The following CHRM3 variants were observed in gnomAD, a reference collection of about 807,000 sequenced individuals.
CHRM3 encodes cholinergic receptor muscarinic 3, also known as muscarinic acetylcholine receptor M3.
CHRM3 carries 11 observed loss-of-function variants against 41.8 expected under a neutral mutation model. The observed-to-expected ratio is 0.26, with a 90% CI of 0.17 to 0.44. CHRM3 has a LOEUF of 0.44. CHRM3 is among the 20% of genes least tolerant of loss of function. The probability of loss-of-function intolerance (pLI) is 1.00; values close to 1 mark genes in which losing one functional copy is unlikely to be tolerated. For synonymous variants in CHRM3, 297 were observed against 301.4 expected, an observed-to-expected ratio of 0.99 and a Z score of 0.15; for missense variants, 571 against 745.4, an observed-to-expected ratio of 0.77 and a Z score of 2.72.
chr1:239,496,570 A>G (rs1403479765), intron 2 of CHRM3, among the ~76,000 whole-genome samples: 1 of 150,824 alleles, frequency 6.6e-6, no homozygotes, highest in African/African-American at 2.4e-5. Flanking sequence ...ATACGGTTGT[A>G]TCTCCAATGA....
intron 1 of CHRM3, among the ~76,000 whole-genome samples, chr1:239,451,562 G>A (rs12142243): frequency 0.16 from 24,598 of 152,028 alleles, 2,425 homozygotes; most frequent in Non-Finnish European, 0.2. Context: ...CACCCATGCC[G>A]TACAGATTGG....
intron 5 of CHRM3, among the ~76,000 whole-genome samples, chr1:239,687,665 A>G (rs561826465): frequency 6.6e-4 from 101 of 152,134 alleles, no homozygotes; most frequent in Non-Finnish European, 1.2e-3. Context: ...GTGCTGCATA[A>G]TGATGCTTCA....
intron 6 of CHRM3, among the ~76,000 whole-genome samples, chr1:239,857,816 C>T (rs1190786697): frequency 6.6e-6 from 1 of 152,096 alleles, no homozygotes; most frequent in African/African-American, 2.4e-5. Flanking sequence ...TGTTAGCCAA[C>T]AAAGTGTTTG....
intron 5 of CHRM3, among the ~76,000 whole-genome samples, chr1:239,711,641 G>A (rs1042670268): frequency 3.3e-5 from 5 of 149,920 alleles, no homozygotes; most frequent in Middle Eastern, 3.2e-3. Context: ...CACTCCCTCC[G>A]TCTCTCTCCA....
intron 5 of CHRM3, among the ~76,000 whole-genome samples, chr1:239,749,928 T>G (rs1438344196): frequency 6.6e-6 from 1 of 152,262 alleles, no homozygotes; most frequent in African/African-American, 2.4e-5. Context: ...GTGAATATTA[T>G]ACAATAATAA....
chr1:239,497,820 G>A (rs1390029635), intron 2 of CHRM3, among the ~76,000 whole-genome samples: 3 of 152,170 alleles, frequency 2.0e-5, no homozygotes, highest in Non-Finnish European at 4.4e-5. Flanking sequence ...GCAACAAATC[G>A]GAGTGGACAT....
intron 1 of CHRM3, among the ~76,000 whole-genome samples, chr1:239,403,788 T>A (rs1660181024): frequency 6.6e-6 from 1 of 151,978 alleles, no homozygotes; most frequent in African/African-American, 2.4e-5. Context: ...TCATATGGGA[T>A]GTCTGCTAAA....
rs117549427 is a variant in CHRM3, at chr1:239,386,955, G to A, written c.-793G>A. ...GCGGCCGCAGCTGCCCGCGGGCGGAGCGCTCTCAGACCCCGGAGCGCACAC... is the reference window on the plus strand; with the variant it reads ...GCGGCCGCAGCTGCCCGCGGGCGGAACGCTCTCAGACCCCGGAGCGCACAC... On this transcript the variant is annotated 5_prime_UTR_variant, in exon 1 of 7. Transcript: ENST00000676153. The A allele has an allele frequency of 0.043, 6,564 of 152,088 alleles. 195 individuals are homozygous for A. The highest frequency in any genetic ancestry group is 0.064 in the Non-Finnish European group (4,364 of 67,932). 9.4% of individuals were successfully genotyped at this position (152,088 alleles called of 1,614,324 possible). A position where few individuals can be genotyped will look rare whatever the true frequency, so the allele number is the denominator to read the frequency against.
intron 1 of CHRM3, among the ~76,000 whole-genome samples, chr1:239,404,410 A>AAGAGAAAGAAAG (rs1210507333): frequency 1.4e-4 from 7 of 51,754 alleles, no homozygotes; most frequent in African/African-American, 4.5e-4. Flanking sequence ...GAAAGAAAGA[A>AAGAGAAAGAAAG]AAAGAAAGAA....
At chr1:239,720,980 A>G (rs1350613363) in intron 5 of CHRM3, among the ~76,000 whole-genome samples, 2 of 151,968 alleles carry the variant, frequency 1.3e-5, no homozygotes, top group Non-Finnish European at 2.9e-5. Context: ...TTGAGAACAT[A>G]TATTTAAGCA....
At chr1:239,397,933 C>A (rs1659636558) in intron 1 of CHRM3, among the ~76,000 whole-genome samples, 1 of 151,740 alleles carries the variant, frequency 6.6e-6, no homozygotes, top group South Asian at 2.1e-4. Context: ...AAAGAAAATT[C>A]TTTTAGAAGT....
chr1:239,812,872 G>C (rs1158792053), intron 5 of CHRM3, among the ~76,000 whole-genome samples: 1 of 152,238 alleles, frequency 6.6e-6, no homozygotes. Context: ...AAATAGCAAA[G>C]TTGGAGTCTG....
chr1:239,647,551 T>C (rs185740820), intron 4 of CHRM3, among the ~76,000 whole-genome samples: 4 of 152,266 alleles, frequency 2.6e-5, no homozygotes, highest in Admixed American at 2.6e-4. Context: ...TCCCAAAGTT[T>C]GGTTCAGAAT....
At chr1:239,700,445 T>G (rs1004965705) in intron 5 of CHRM3, among the ~76,000 whole-genome samples, 1 of 152,154 alleles carries the variant, frequency 6.6e-6, no homozygotes. Flanking sequence ...AGTCCCAAAC[T>G]CTGAAACTTC....
chr1:239,710,692 G>A (rs937121141), intron 5 of CHRM3, among the ~76,000 whole-genome samples: 2 of 152,068 alleles, frequency 1.3e-5, no homozygotes, highest in Non-Finnish European at 2.9e-5. Context: ...TTTAGATAAA[G>A]TAAATTAATA....
rs1038858084 is a variant in CHRM3, at chr1:239,909,292, C to T, written c.*68C>T. 12 of 1,484,850 alleles carry T rather than the reference C, an allele frequency of 8.1e-6. No homozygotes were observed. The highest frequency in any genetic ancestry group is 6.9e-5 in the East Asian group (3 of 43,778). The allele number at this position is 1,484,850 out of a possible 1,614,324, so 92.0% of individuals were successfully genotyped here. ...CCCACAGACCTTAGGAGGAGGAAGG[C>T]GAGGGCGGGGTGACTTCTGGTGATG... On this transcript the variant is annotated 3_prime_UTR_variant, in exon 7 of 7. Coordinates refer to ENST00000676153, the MANE Select transcript of CHRM3 (RefSeq NM_001375978.1).
At chr1:239,404,452 AAGAAAGAAAGAAAGAAAAAG>A (rs1558196077) in intron 1 of CHRM3, among the ~76,000 whole-genome samples, 15 of 138,226 alleles carry the variant, frequency 1.1e-4, no homozygotes, top group African/African-American at 3.8e-4. Flanking sequence ...GAAAGAAAGA[AAGAAAGAAAGAAAGAAAAAG>A]AAAGAAAGAA....
chr1:239,832,137 A>G (rs1193999980), intron 6 of CHRM3, among the ~76,000 whole-genome samples: 2 of 152,292 alleles, frequency 1.3e-5, no homozygotes, highest in Admixed American at 1.3e-4. Context: ...AAGCAGCTGC[A>G]TGTGAGCCTG....
At chr1:239,709,867 A>T (rs1330484369) in intron 5 of CHRM3, among the ~76,000 whole-genome samples, 3 of 152,212 alleles carry the variant, frequency 2.0e-5, no homozygotes, top group Admixed American at 6.5e-5. Context: ...CAAGTGTTTT[A>T]AAAAAATTAA....
Sources: allele counts gnomAD v4.1 joint callset (sites outside exome capture counted in the v4.1 genomes callset), GRCh38; gene constraint gnomAD v4.1.1; transcripts MANE v1.5; gene names NCBI Gene and HGNC (gene_info 2026-07-23, HGNC 2026-07-21).